Variants in CPNE1 observed in about 807,000 individuals in gnomAD.
The protein encoded by CPNE1 is copine 1, also known as copine-1.
In CPNE1, 58 loss-of-function variants were observed where a neutral mutation model predicts 63.2. That is an observed-to-expected ratio of 0.92 (90% CI 0.74 to 1.14). CPNE1 has a LOEUF of 1.14. CPNE1 is among the 50% of genes most tolerant of loss of function. The probability of loss-of-function intolerance (pLI) is 0.00; values close to 1 mark genes in which losing one functional copy is unlikely to be tolerated. For synonymous variants in CPNE1, 237 were observed against 249.0 expected (o/e 0.95, Z 0.45); for missense variants, 672 against 661.7 (o/e 1.02, Z -0.17).
Position 35,626,623 on chromosome 20 carries a change from C to T in CPNE1, c.1417G>A (p.Gly473Arg), listed in dbSNP as rs1247594676. The change falls in exon 15 of 16, where the codon GGG becomes AGG. Residue 473 changes from glycine (G) to arginine (R), a missense_variant. Transcript: ENST00000397443. ...ACAATGTCGCGGGCAGCAGCCTGCC[C>T]AGAACGTGTATGCAGGGGTCCACCA... ...ADGGPLHTRS[G>R]QAAARDIVQF... is the part of the protein sequence containing the mutation. 1 of 1,614,180 alleles carries T rather than the reference C, an allele frequency of 6.2e-7. No individual in the cohort carries two copies. Among genetic ancestry groups the T allele is most frequent in the East Asian group, 2.2e-5 (1 of 44,876 alleles).
At chr20:35,639,101 A>C (rs940732222) in intron 1 of CPNE1, among the ~76,000 whole-genome samples, 4 of 149,916 alleles carry the variant, frequency 2.7e-5, no homozygotes, top group African/African-American at 9.8e-5. Context: ...CAAAAAAAAA[A>C]AACAAAACCC....
chr20:35,657,418 T>C (rs2033962962), intron 1 of CPNE1, among the ~76,000 whole-genome samples: 1 of 152,188 alleles, frequency 6.6e-6, no homozygotes, highest in African/African-American at 2.4e-5. Context: ...GGTTAATCAC[T>C]TTGTATAGGG....
intron 1 of CPNE1, among the ~76,000 whole-genome samples, chr20:35,660,502 A>C (rs1401653659): frequency 6.6e-6 from 1 of 152,224 alleles, no homozygotes; most frequent in African/African-American, 2.4e-5. Flanking sequence ...TACAGGTGTG[A>C]GCCACCACGC....
chr20:35,638,741 A>G (rs1266155736), intron 1 of CPNE1, among the ~76,000 whole-genome samples: 1 of 152,278 alleles, frequency 6.6e-6, no homozygotes, highest in Non-Finnish European at 1.5e-5. Context: ...GAAACAGCCC[A>G]GGTATTCATC....
At chr20:35,650,879 C>A (rs1387930447) in intron 1 of CPNE1, 1 of 152,578 alleles carries the variant, frequency 6.6e-6, no homozygotes, top group Non-Finnish European at 1.5e-5. Flanking sequence ...AAAAGACTGA[C>A]CCCTTTGTAA....
chr20:35,630,330 C>T lies in CPNE1; in HGVS notation c.1102+109G>A, dbSNP rs1455795805. 5.9e-5 allele frequency: 48 copies of T among 814,878 alleles called. 1 individual carries two copies. Among genetic ancestry groups the T allele is most frequent in the Non-Finnish European group, 6.9e-5 (34 of 494,490 alleles). 50.5% of individuals were successfully genotyped at this position (814,878 alleles called of 1,614,324 possible). A position where few individuals can be genotyped will look rare whatever the true frequency, so the allele number is the denominator to read the frequency against. On this transcript the variant is annotated intron_variant, in intron 13 of 15. Coordinates refer to ENST00000397443, the MANE Select transcript of CPNE1 (RefSeq NM_152925.3). ...TTAAACTAAAATTAAATAAAATCCA[C>T]CCTCTGGACAATGAAGGCAGGTATC...
In CPNE1 at chr20:35,632,602, C is replaced by A; in HGVS notation, c.224G>T (p.Arg75Leu). Residue 75 changes from arginine (R) to leucine (L), a missense_variant, in exon 3 of 16, where the codon CGC becomes CTC. Physicochemically the swap from Arg to Leu is moderately radical, Grantham distance 102 (BLOSUM62 -2). Coordinates refer to ENST00000397443, the MANE Select transcript of CPNE1 (RefSeq NM_152925.3). ...EYRFETVQKL[R>L]FGIYDIDNKT... is the part of the protein sequence containing the mutation. ...GTTGTCTATGTCATAGATTCCAAAGCGTAGCTTCTGGACTGTCTCAAAGCG... is the reference window on the plus strand; with the variant it reads ...GTTGTCTATGTCATAGATTCCAAAGAGTAGCTTCTGGACTGTCTCAAAGCG... The A allele has an allele frequency of 3.1e-6, 5 of 1,607,750 alleles. No homozygotes were observed. The highest frequency in any genetic ancestry group is 4.3e-6 in the Non-Finnish European group (5 of 1,174,246).
At chr20:35,646,412 C>T (rs1295199305) in intron 1 of CPNE1, among the ~76,000 whole-genome samples, 1 of 117,356 alleles carries the variant, frequency 8.5e-6, no homozygotes, top group African/African-American at 3.5e-5. Flanking sequence ...TTTTTTGAGA[C>T]AGGGTCTTGC....
At chr20:35,663,188 T>C (rs759194286) in intron 1 of CPNE1, among the ~76,000 whole-genome samples, 17 of 152,198 alleles carry the variant, frequency 1.1e-4, no homozygotes, top group Non-Finnish European at 2.1e-4. Flanking sequence ...AATCCAGAAA[T>C]CCTCCATTCT....
At position 35,627,376 on chromosome 20, in the gene CPNE1, C is replaced by A. The variant is rs1046884193; in HGVS notation, c.1140G>T (p.Leu380=). The change falls in exon 14 of 16, where the codon CTG becomes CTT. Residue 380 remains leucine, a synonymous_variant. Transcript: ENST00000397443. ...QGIVDAYRQA[L]PQVRLYGPTN... is the part of the protein sequence containing the mutation. ...TAGGGCCATAGAGGCGAACTTGGGG[C>A]AGGGCTTGGCGGTAGGCATCCACAA... 6.2e-7 allele frequency: 1 copy of A among 1,614,030 alleles called. No individual in the cohort carries two copies. The highest frequency in any genetic ancestry group is 1.3e-5 in the African/African-American group (1 of 74,984).
chr20:35,636,444 C>T (rs575923702), intron 1 of CPNE1, among the ~76,000 whole-genome samples: 3 of 152,264 alleles, frequency 2.0e-5, no homozygotes, highest in South Asian at 4.1e-4. Context: ...ATCTGAACAA[C>T]GGAATGCTGA....
At position 35,652,764 on chromosome 20, in the gene CPNE1, T is replaced by C. The variant is rs74880624; in HGVS notation, c.-1+11996A>G. ...TTTGCACTTTAATTACTGTCGGTCC[T>C]GGTTTTCCAGAACTAGATGCAAAGC... On this transcript the variant is annotated intron_variant, in intron 1 of 15. Coordinates refer to ENST00000397443, the MANE Select transcript of CPNE1 (RefSeq NM_152925.3). The C allele has an allele frequency of 6.6e-3, 10,680 of 1,612,590 alleles. 68 individuals carry two copies. Among genetic ancestry groups the C allele is most frequent in the Middle Eastern group, 0.034 (207 of 6,054 alleles).
chr20:35,631,459 C>A, intron 8 of CPNE1, 33 bp downstream of exon 8: 1 of 1,609,332 alleles, frequency 6.2e-7, no homozygotes, highest in South Asian at 1.1e-5. Flanking sequence ...TATCTAGGCC[C>A]ATTTCCACAC....
chr20:35,656,187 TAA>T (rs2033886840), intron 1 of CPNE1, among the ~76,000 whole-genome samples: 1 of 152,200 alleles, frequency 6.6e-6, no homozygotes, highest in Non-Finnish European at 1.5e-5. Flanking sequence ...TAAAATTTTT[TAA>T]AGTATTATTT....
intron 1 of CPNE1, among the ~76,000 whole-genome samples, chr20:35,657,833 G>T (rs1264508576): frequency 2.0e-5 from 3 of 152,118 alleles, no homozygotes; most frequent in African/African-American, 4.8e-5. Flanking sequence ...GGATGAGGTG[G>T]GTGGATCACC....
intron 1 of CPNE1, among the ~76,000 whole-genome samples, chr20:35,634,905 ATTTTTTTTT>A (rs56017917): frequency 8.2e-6 from 1 of 122,112 alleles, no homozygotes; most frequent in Non-Finnish European, 1.7e-5. Flanking sequence ...ACACCCAGCT[ATTTTTTTTT>A]TTTTTTTTTT....
intron 1 of CPNE1, among the ~76,000 whole-genome samples, chr20:35,659,888 G>A (rs537338931): frequency 1.3e-5 from 2 of 152,082 alleles, no homozygotes; most frequent in East Asian, 3.9e-4. Context: ...AATTCGGAGA[G>A]AGAAGAAATT....
intron 1 of CPNE1, chr20:35,654,348 ATGAAAAAAATCTC>A: frequency 6.2e-7 from 1 of 1,614,254 alleles, no homozygotes; most frequent in Non-Finnish European, 8.5e-7. Context: ...CACGGAGCCC[ATGAAAAAAATCTC>A]TGACATCATT....
chr20:35,646,128 T>TAA (rs111736754), intron 1 of CPNE1, among the ~76,000 whole-genome samples: 3 of 133,446 alleles, frequency 2.2e-5, no homozygotes, highest in East Asian at 4.3e-4. Context: ...ACAAAAAAAT[T>TAA]AAAAAAAAAA....
Sources: gnomAD v4.1 joint callset for allele counts (sites outside exome capture counted in the v4.1 genomes callset) on GRCh38, gnomAD v4.1.1 for gene constraint, MANE v1.5 for transcripts, NCBI Gene and HGNC (gene_info 2026-07-23, HGNC 2026-07-21) for gene names.